RGS7: variants seen among roughly 807,000 people sequenced by gnomAD.
RGS7 encodes regulator of G protein signaling 7.
A neutral mutation model predicts 81.1 loss-of-function variants in RGS7; 27 were observed. The ratio of observed to expected loss-of-function variants is 0.33; its 90% CI spans 0.25 to 0.46. The LOEUF is 0.46. RGS7 is among the 20% of genes least tolerant of loss of function. RGS7 has a pLI of 1.00. For synonymous variants in RGS7, 208 were observed against 207.7 expected (o/e 1.00, Z -0.01); for missense variants, 396 against 607.4 (o/e 0.65, Z 3.66).
At chr1:241,301,686 CTAACTA>C (rs1558291576) in intron 2 of RGS7, among the ~76,000 whole-genome samples, 1 of 152,202 alleles carries the variant, frequency 6.6e-6, no homozygotes. Context: ...GTAAACTGAT[CTAACTA>C]TAATTCTTTT....
At chr1:240,966,487 C>T (rs775489470) in intron 4 of RGS7, among the ~76,000 whole-genome samples, 1 of 152,010 alleles carries the variant, frequency 6.6e-6, no homozygotes, top group Non-Finnish European at 1.5e-5. Flanking sequence ...TATGGCCTTG[C>T]TGTTCCTTTG....
At chr1:241,212,339 T>C (rs2074290071) in intron 2 of RGS7, among the ~76,000 whole-genome samples, 1 of 152,170 alleles carries the variant, frequency 6.6e-6, no homozygotes, top group African/African-American at 2.4e-5. Flanking sequence ...CAGGGTCGAC[T>C]TCGTGGGTGT....
intron 2 of RGS7, among the ~76,000 whole-genome samples, chr1:241,351,514 A>T (rs554421645): frequency 7.9e-5 from 12 of 152,204 alleles, no homozygotes; most frequent in African/African-American, 2.9e-4. Flanking sequence ...TGAAAGATTT[A>T]TTCAGGTACC....
chr1:240,973,832 G>C (rs7547102), intron 4 of RGS7, among the ~76,000 whole-genome samples: 1 of 151,802 alleles, frequency 6.6e-6, no homozygotes, highest in African/African-American at 2.4e-5. Flanking sequence ...CATCCGCCTC[G>C]GCCTCCCAAA....
At chr1:240,793,383 C>T (rs550008344) in intron 18 of RGS7, among the ~76,000 whole-genome samples, 38 of 151,900 alleles carry the variant, frequency 2.5e-4, no homozygotes, top group Middle Eastern at 3.4e-3. Flanking sequence ...TTATCATCAC[C>T]GCCAGTTTCA....
At chr1:241,229,491 T>A (rs1399666504) in intron 2 of RGS7, among the ~76,000 whole-genome samples, 1 of 152,182 alleles carries the variant, frequency 6.6e-6, no homozygotes, top group East Asian at 1.9e-4. Context: ...ACTCCAGTCA[T>A]CCGGTGCCAT....
At chr1:241,019,872 A>G (rs926282679) in intron 3 of RGS7, among the ~76,000 whole-genome samples, 1 of 152,204 alleles carries the variant, frequency 6.6e-6, no homozygotes, top group South Asian at 2.1e-4. Context: ...ATGTTGACCT[A>G]TGACTTCAGT....
intron 3 of RGS7, among the ~76,000 whole-genome samples, chr1:241,095,680 T>C (rs1456308622): frequency 6.6e-6 from 1 of 152,080 alleles, no homozygotes; most frequent in Non-Finnish European, 1.5e-5. Flanking sequence ...AAATAATGTA[T>C]GGTGATAAAT....
intron 2 of RGS7, among the ~76,000 whole-genome samples, chr1:241,305,114 T>C (rs2080010159): frequency 6.6e-6 from 1 of 152,250 alleles, no homozygotes; most frequent in Non-Finnish European, 1.5e-5. Flanking sequence ...CTCAGGTAGA[T>C]TCTTTTACGA....
At chr1:241,042,431 C>T (rs1315246475) in intron 3 of RGS7, among the ~76,000 whole-genome samples, 1 of 152,188 alleles carries the variant, frequency 6.6e-6, no homozygotes, top group Non-Finnish European at 1.5e-5. Context: ...TTCTGCTTCT[C>T]ACCCTTTATG....
chr1:241,195,541 A>G (rs1250578349), intron 2 of RGS7, among the ~76,000 whole-genome samples: 1 of 152,206 alleles, frequency 6.6e-6, no homozygotes, highest in Non-Finnish European at 1.5e-5. Flanking sequence ...AAAACCAGAC[A>G]GTGCAAAATT....
chr1:241,202,293 A>G (rs1022714534), intron 2 of RGS7, among the ~76,000 whole-genome samples: 1 of 145,692 alleles, frequency 6.9e-6, no homozygotes, highest in Non-Finnish European at 1.5e-5. Context: ...AAACAAACAC[A>G]ATTTTAATTC....
intron 5 of RGS7, among the ~76,000 whole-genome samples, chr1:240,932,547 T>C (rs369429263): frequency 6.1e-4 from 82 of 134,394 alleles, no homozygotes; most frequent in Admixed American, 2.5e-3. Context: ...CTCACTCTGT[T>C]GCCCAGGCTG....
At chr1:241,035,369 A>AT (rs1022084831) in intron 3 of RGS7, among the ~76,000 whole-genome samples, 50 of 151,880 alleles carry the variant, frequency 3.3e-4, no homozygotes, top group Admixed American at 6.6e-4. Flanking sequence ...GTAAAAAAAA[A>AT]ATATAGTACT....
Position 241,154,512 on chromosome 1 carries a change from C to T in RGS7, c.79-55750G>A, listed in dbSNP as rs74380762. On this transcript the variant is annotated intron_variant, in intron 2 of 18. Transcript: ENST00000440928. ...AGGGGCCCTGAAATGAAAGAAAAGG[C>T]CAGTGAAAGCCAGGACTGTGCCCAG... Among the ~76,000 whole-genome samples, 337 of 152,228 alleles carry T rather than the reference C, an allele frequency of 2.2e-3. 12 individuals carry two copies. In the East Asian group the frequency reaches 0.056, roughly 25 times the overall value.
At chr1:240,997,620 T>A (rs1484993517) in intron 3 of RGS7, among the ~76,000 whole-genome samples, 1 of 152,062 alleles carries the variant, frequency 6.6e-6, no homozygotes, top group Non-Finnish European at 1.5e-5. Context: ...AGGTCAGGAG[T>A]TCGAGACCAG....
At chr1:241,035,168 G>T (rs1453932775) in intron 3 of RGS7, among the ~76,000 whole-genome samples, 1 of 152,084 alleles carries the variant, frequency 6.6e-6, no homozygotes, top group Non-Finnish European at 1.5e-5. Context: ...GCAACATTAA[G>T]GGTAGCAAGA....
At chr1:240,960,217 C>T (rs140304637) in intron 4 of RGS7, among the ~76,000 whole-genome samples, 24 of 8,960 alleles carry the variant, frequency 2.7e-3, no homozygotes, top group African/African-American at 7.5e-3. Context: ...TCTTCTTCTT[C>T]TTTTTTTTTT....
intron 2 of RGS7, among the ~76,000 whole-genome samples, chr1:241,190,449 T>C (rs12726573): frequency 0.013 from 1,973 of 152,246 alleles, 21 homozygotes; most frequent in Non-Finnish European, 0.019. Context: ...TTCCAATCAG[T>C]AAAAATTGCA....
Sources: allele counts gnomAD v4.1 joint callset (sites outside exome capture counted in the v4.1 genomes callset), GRCh38; gene constraint gnomAD v4.1.1; transcripts MANE v1.5; gene names NCBI Gene and HGNC (gene_info 2026-07-23, HGNC 2026-07-21).